The following XKR9 variants were observed in gnomAD, a reference collection of about 807,000 sequenced individuals.
XKR9 encodes the protein XK related 9, also known as XK-related protein 9.
In XKR9, 32 loss-of-function variants were observed where a neutral mutation model predicts 32.0. The ratio of observed to expected loss-of-function variants is 1.00; its 90% CI spans 0.76 to 1.34. The LOEUF (loss-of-function observed/expected upper bound fraction) is 1.34. Ranked by LOEUF, XKR9 falls within the 40% of genes most tolerant of loss-of-function variation. The pLI is 0.00. For missense variants in XKR9, 546 were observed against 429.7 expected (o/e 1.27, Z -2.39); for synonymous variants, 168 against 143.4 (o/e 1.17, Z -1.22).
At chr8:70,688,108 G>A (rs1220044446) in intron 3 of XKR9, among the ~76,000 whole-genome samples, 2 of 152,182 alleles carry the variant, frequency 1.3e-5, no homozygotes, top group Non-Finnish European at 2.9e-5. Context: ...TCAGTCTTAG[G>A]CTATGCCCTA....
At chr8:70,875,512 CA>C in the XKR9 span, among the ~76,000 whole-genome samples, 1 of 152,094 alleles carries the variant, frequency 6.6e-6, no homozygotes, top group Admixed American at 6.6e-5. Context: ...TGTTAGAAAT[CA>C]TTTTTTTATT....
the XKR9 span, among the ~76,000 whole-genome samples, chr8:70,821,444 C>T: frequency 1.3e-5 from 2 of 152,196 alleles, no homozygotes; most frequent in Non-Finnish European, 2.9e-5. Context: ...TGGTGACTCT[C>T]TTCTTACAGC....
At chr8:70,893,528 G>A in the XKR9 span, among the ~76,000 whole-genome samples, 1 of 152,242 alleles carries the variant, frequency 6.6e-6, no homozygotes, top group Non-Finnish European at 1.5e-5. Flanking sequence ...TAATTTTAGT[G>A]TGCCAGTTGG....
At chr8:70,691,507 A>G (rs1162657446) in intron 3 of XKR9, among the ~76,000 whole-genome samples, 3 of 151,978 alleles carry the variant, frequency 2.0e-5, no homozygotes, top group African/African-American at 7.2e-5. Flanking sequence ...CCAGGATGGT[A>G]TTGCCTAGGT....
chr8:70,690,697 A>G (rs778152368), intron 3 of XKR9, among the ~76,000 whole-genome samples: 2 of 151,974 alleles, frequency 1.3e-5, no homozygotes, highest in African/African-American at 2.4e-5. Flanking sequence ...TTCTATTCCT[A>G]CGTTAGTTTG....
chr8:71,038,290 TCTCTC>T, the XKR9 span, among the ~76,000 whole-genome samples: 1 of 123,702 alleles, frequency 8.1e-6, no homozygotes, highest in African/African-American at 3.3e-5. Context: ...TTTTCTTTTC[TCTCTC>T]TCTCTCTCTC....
At chr8:70,765,578 C>G (rs1420734422) in intron 2 of XKR9, among the ~76,000 whole-genome samples, 3 of 151,846 alleles carry the variant, frequency 2.0e-5, no homozygotes, top group East Asian at 3.9e-4. Context: ...CCTGCTCACT[C>G]TGCTTTCTTT....
chr8:70,745,809 A>C (rs1807050746), intron 2 of XKR9, among the ~76,000 whole-genome samples: 1 of 152,216 alleles, frequency 6.6e-6, no homozygotes, highest in Admixed American at 6.5e-5. Context: ...CCAAACATTA[A>C]TTTCTTGCAC....
the XKR9 span, among the ~76,000 whole-genome samples, chr8:70,879,083 A>G: frequency 6.6e-6 from 1 of 152,224 alleles, no homozygotes; most frequent in Non-Finnish European, 1.5e-5. Flanking sequence ...TGAAGGTAGA[A>G]ATAAAGATGC....
the XKR9 span, among the ~76,000 whole-genome samples, chr8:70,849,215 T>TACAAA: frequency 2.1e-4 from 32 of 151,934 alleles, no homozygotes; most frequent in Middle Eastern, 3.4e-3. Flanking sequence ...CCTCAGCAAA[T>TACAAA]ACAAAACAAA....
At chr8:71,034,739 C>T in the XKR9 span, among the ~76,000 whole-genome samples, 1 of 152,192 alleles carries the variant, frequency 6.6e-6, no homozygotes, top group African/African-American at 2.4e-5. Context: ...GTCTTCTCAG[C>T]TGCGGTCCCG....
the XKR9 span, among the ~76,000 whole-genome samples, chr8:70,802,046 C>T: frequency 6.6e-6 from 1 of 151,842 alleles, no homozygotes; most frequent in East Asian, 1.9e-4. Flanking sequence ...ACGCCATTCT[C>T]CTGCCTCAGC....
the XKR9 span, among the ~76,000 whole-genome samples, chr8:70,926,442 A>C: frequency 1.3e-5 from 2 of 152,188 alleles, no homozygotes; most frequent in East Asian, 3.8e-4. Context: ...GCATTGAAAA[A>C]CTTTTTCTCT....
At chr8:70,756,086 T>C (rs939750117) in intron 2 of XKR9, among the ~76,000 whole-genome samples, 1 of 152,176 alleles carries the variant, frequency 6.6e-6, no homozygotes, top group South Asian at 2.1e-4. Flanking sequence ...CCTTTGCCTA[T>C]GGCTATCCAG....
the XKR9 span, among the ~76,000 whole-genome samples, chr8:71,042,066 T>C: frequency 6.6e-6 from 1 of 152,066 alleles, no homozygotes; most frequent in African/African-American, 2.4e-5. Context: ...AGAGAGAGTG[T>C]GGGACCACGA....
At chr8:70,983,640 G>C in the XKR9 span, among the ~76,000 whole-genome samples, 5 of 152,170 alleles carry the variant, frequency 3.3e-5, no homozygotes, top group African/African-American at 9.6e-5. Context: ...AATTAGCTGG[G>C]CATGGTGGCA....
intron 3 of XKR9, among the ~76,000 whole-genome samples, chr8:70,692,564 A>G (rs1044853524): frequency 4.7e-5 from 7 of 148,346 alleles, no homozygotes; most frequent in South Asian, 4.2e-4. Flanking sequence ...TTTGTCATAG[A>G]TGGCTCTTAT....
chr8:70,857,967 A>T, the XKR9 span, among the ~76,000 whole-genome samples: 1 of 152,212 alleles, frequency 6.6e-6, no homozygotes, highest in South Asian at 2.1e-4. Context: ...GACGCATCTC[A>T]AAATAACAAG....
intron 2 of XKR9, among the ~76,000 whole-genome samples, chr8:70,746,674 A>G (rs746917449): frequency 5.9e-5 from 9 of 151,918 alleles, no homozygotes; most frequent in Non-Finnish European, 1.0e-4. Flanking sequence ...TGCACTTTAA[A>G]AATTCTGTCT....
Sources: allele counts gnomAD v4.1 joint callset (sites outside exome capture counted in the v4.1 genomes callset), GRCh38; gene constraint gnomAD v4.1.1; transcripts MANE v1.5; gene names NCBI Gene and HGNC (gene_info 2026-07-23, HGNC 2026-07-21).